The following PHLDB2 variants were observed in gnomAD, a reference collection of about 807,000 sequenced individuals.
PHLDB2 encodes pleckstrin homology-like domain family B member 2.
Under a neutral mutation model 123.6 loss-of-function variants are expected in PHLDB2, and 71 were observed. The ratio of observed to expected loss-of-function variants is 0.57; its 90% CI spans 0.47 to 0.70. PHLDB2 has a LOEUF of 0.70. Ranked by LOEUF, PHLDB2 falls within the 30% of genes least tolerant of loss-of-function variation. PHLDB2 has a pLI of 0.00. For synonymous variants in PHLDB2, 547 were observed against 541.6 expected, an observed-to-expected ratio of 1.01 and a Z score of -0.14; for missense variants, 1,446 against 1,519.5, an observed-to-expected ratio of 0.95 and a Z score of 0.80.
At chr3:111,806,814 T>C (rs1260292664) in intron 1 of PHLDB2, among the ~76,000 whole-genome samples, 1 of 151,930 alleles carries the variant, frequency 6.6e-6, no homozygotes, top group Non-Finnish European at 1.5e-5. Context: ...AACTTTTTTT[T>C]TGAAATGGGG....
intron 1 of PHLDB2, among the ~76,000 whole-genome samples, chr3:111,746,033 A>G (rs2059676486): frequency 1.3e-5 from 2 of 152,214 alleles, no homozygotes; most frequent in African/African-American, 4.8e-5. Context: ...AGTATCAGTG[A>G]CTGGAAAGGT....
At chr3:111,914,519 A>G (rs1410423343) in intron 3 of PHLDB2, 4 of 152,170 alleles carry the variant, frequency 2.6e-5, no homozygotes, top group Admixed American at 2.0e-4. Flanking sequence ...AATTGATAGA[A>G]GTTTAATTTG....
At chr3:111,887,791 A>C (rs1480794648) in intron 2 of PHLDB2, among the ~76,000 whole-genome samples, 1 of 152,138 alleles carries the variant, frequency 6.6e-6, no homozygotes, top group East Asian at 1.9e-4. Flanking sequence ...TAGACTAAAA[A>C]GTCCTGAAAA....
chr3:111,742,312 T>C (rs1302647465), intron 1 of PHLDB2, among the ~76,000 whole-genome samples: 1 of 152,122 alleles, frequency 6.6e-6, no homozygotes. Context: ...CTTTTATATA[T>C]ATATATTTTT....
chr3:111,794,674 G>T (rs1032931557), intron 1 of PHLDB2, among the ~76,000 whole-genome samples: 2 of 152,186 alleles, frequency 1.3e-5, no homozygotes, highest in African/African-American at 4.8e-5. Flanking sequence ...ATTTCACTGT[G>T]TCCTAAATTG....
intron 2 of PHLDB2, among the ~76,000 whole-genome samples, chr3:111,894,600 T>C (rs1450133298): frequency 6.6e-6 from 1 of 151,716 alleles, no homozygotes; most frequent in East Asian, 1.9e-4. Context: ...AATGATTGCC[T>C]TTCTAACTGG....
intron 1 of PHLDB2, among the ~76,000 whole-genome samples, chr3:111,814,957 G>A (rs892409162): frequency 2.0e-4 from 30 of 152,314 alleles, no homozygotes; most frequent in African/African-American, 5.1e-4. Flanking sequence ...CTGGTGGGAG[G>A]TGATTGAATT....
chr3:111,967,615 A>G, intron 14 of PHLDB2, 63 bp from the exon 15 acceptor site: 3 of 1,477,562 alleles, frequency 2.0e-6, no homozygotes, highest in East Asian at 4.8e-5. Context: ...TTTTATATTG[A>G]TTGGAACCAT....
At chr3:111,832,576 C>T (rs532319734) in intron 1 of PHLDB2, among the ~76,000 whole-genome samples, 16 of 144,140 alleles carry the variant, frequency 1.1e-4, no homozygotes, top group South Asian at 4.3e-4. Flanking sequence ...ATATATAATG[C>T]CATTATATAT....
intron 15 of PHLDB2, 63 bp from the exon 16 acceptor site, chr3:111,969,627 A>G (rs2072038845): frequency 7.4e-7 from 1 of 1,353,516 alleles, no homozygotes; most frequent in African/African-American, 1.5e-5. Context: ...GCTTCTAAAC[A>G]TCTGTGACCT....
intron 2 of PHLDB2, among the ~76,000 whole-genome samples, chr3:111,894,281 G>A (rs1432230431): frequency 6.6e-6 from 1 of 151,944 alleles, no homozygotes; most frequent in Non-Finnish European, 1.5e-5. Context: ...TGGTGTATAT[G>A]TGCCACATTT....
At chr3:111,973,688 T>G in intron 16 of PHLDB2, 44 bp from the exon 17 acceptor site, 1 of 990,246 alleles carries the variant, frequency 1.0e-6, no homozygotes. Flanking sequence ...TTTTTTCTGT[T>G]CCTCAGTGGC....
intron 2 of PHLDB2, chr3:111,885,614 CT>C (rs1418548915): frequency 4.0e-6 from 3 of 747,202 alleles, no homozygotes; most frequent in Non-Finnish European, 7.0e-6. Context: ...TCTTGAAGGC[CT>C]CCAGGAATTA....
chr3:111,836,423 T>C (rs905107228), intron 1 of PHLDB2, among the ~76,000 whole-genome samples: 3 of 152,062 alleles, frequency 2.0e-5, no homozygotes, highest in Non-Finnish European at 2.9e-5. Context: ...TCTACAGAGA[T>C]ATGTTAAGTT....
intron 1 of PHLDB2, among the ~76,000 whole-genome samples, chr3:111,804,746 GTTTA>G (rs909709508): frequency 2.6e-5 from 4 of 152,140 alleles, no homozygotes; most frequent in African/African-American, 9.7e-5. Flanking sequence ...AAACTGCAGT[GTTTA>G]TTTGACTTTT....
chr3:111,792,075 A>G (rs2060950219), intron 1 of PHLDB2, among the ~76,000 whole-genome samples: 1 of 152,110 alleles, frequency 6.6e-6, no homozygotes, highest in South Asian at 2.1e-4. Flanking sequence ...AAAACATACA[A>G]TGTTTGTCTA....
intron 2 of PHLDB2, chr3:111,846,054 G>A: frequency 1.9e-6 from 2 of 1,050,196 alleles, no homozygotes; most frequent in South Asian, 3.1e-5. Context: ...AATCATTGGG[G>A]AAGAGAGCCT....
At chr3:111,840,910 C>T (rs963805821) in intron 1 of PHLDB2, among the ~76,000 whole-genome samples, 1 of 152,156 alleles carries the variant, frequency 6.6e-6, no homozygotes, top group African/African-American at 2.4e-5. Flanking sequence ...TGCATAAAGA[C>T]ATATGTGGAC....
rs1291408964 is a variant in PHLDB2, at chr3:111,974,583, A to G, written c.*20A>G. On this transcript the variant is annotated 3_prime_UTR_variant, in exon 18 of 18. Coordinates refer to ENST00000431670, the MANE Select transcript of PHLDB2 (RefSeq NM_001134438.2). Reference sequence around the variant, plus strand: ...TTGTAGTGAACTGAGGCAACAGTCCACTTCAGGGCAGACGGCAATAATCTC... The same window carrying G: ...TTGTAGTGAACTGAGGCAACAGTCCGCTTCAGGGCAGACGGCAATAATCTC... The G allele has an allele frequency of 1.3e-6, 2 of 1,586,464 alleles. No homozygotes were observed. Among genetic ancestry groups the G allele is most frequent in the Non-Finnish European group, 1.7e-6 (2 of 1,166,046 alleles).
Sources: gnomAD v4.1 joint callset for allele counts (sites outside exome capture counted in the v4.1 genomes callset) on GRCh38, gnomAD v4.1.1 for gene constraint, MANE v1.5 for transcripts, NCBI Gene and HGNC (gene_info 2026-07-23, HGNC 2026-07-21) for gene names.